The following RALYL variants were observed in gnomAD, a reference collection of about 807,000 sequenced individuals.
The protein encoded by RALYL is RNA-binding Raly-like protein.
In RALYL, 29 loss-of-function variants were observed where a neutral mutation model predicts 35.1. The ratio of observed to expected loss-of-function variants is 0.83; its 90% confidence interval spans 0.61 to 1.13. RALYL has a LOEUF of 1.13. Ranked by LOEUF, RALYL falls within the 50% of genes most tolerant of loss-of-function variation. The probability of loss-of-function intolerance (pLI) is 0.00; values close to 1 mark genes in which losing one functional copy is unlikely to be tolerated. For synonymous variants in RALYL, 120 were observed against 127.6 expected (o/e 0.94, Z 0.40); for missense variants, 359 against 360.4 (o/e 1.00, Z 0.03).
rs186443736 is a variant in RALYL at position 84,504,217 on chromosome 8, G to A, written c.-23-25082G>A. 2.1e-3 allele frequency among the ~76,000 whole-genome samples: 315 copies of A among 152,200 alleles called. 1 individual carries two copies. Among genetic ancestry groups the A allele is most frequent in the Middle Eastern group, 0.014 (4 of 294 alleles). On this transcript the variant is annotated intron_variant, in intron 1 of 8. Coordinates refer to ENST00000521268, the MANE Select transcript of RALYL (RefSeq NM_173848.7). ...GAAGGAAAAGCAAATGGATACTAAAGAGATGAGGTTAAATATGTTTAATAG... is the reference window on the plus strand; with the variant it reads ...GAAGGAAAAGCAAATGGATACTAAAAAGATGAGGTTAAATATGTTTAATAG...
At chr8:84,453,911 T>A (rs2049817513) in intron 1 of RALYL, among the ~76,000 whole-genome samples, 2 of 152,028 alleles carry the variant, frequency 1.3e-5, no homozygotes, top group African/African-American at 4.8e-5. Flanking sequence ...GTACTATTAT[T>A]TTTATTTGTT....
intron 1 of RALYL, among the ~76,000 whole-genome samples, chr8:84,263,353 G>A (rs1017899104): frequency 1.3e-5 from 2 of 152,098 alleles, no homozygotes; most frequent in Non-Finnish European, 2.9e-5. Context: ...GAGTTAATGT[G>A]TTGACTTACA....
chr8:84,369,480 A>C (rs1234567362), intron 1 of RALYL, among the ~76,000 whole-genome samples: 1 of 152,038 alleles, frequency 6.6e-6, no homozygotes, highest in African/African-American at 2.4e-5. Flanking sequence ...TCTTCAACCC[A>C]GTTAAGTTGT....
Position 84,529,530 on chromosome 8 carries a change from C to G in RALYL, c.209C>G (p.Ala70Gly). ...TACATGAGTGAGCGACATGCAAGAG[C>G]TGCAGTGGCTGGAGAAAATGCCAGA... is the stretch of plus-strand genomic sequence containing the variant. ...VQYMSERHAR[A>G]AVAGENARVI... Residue 70 changes from alanine (A) to glycine (G), a missense_variant, in exon 2 of 9, where the codon GCT (alanine) becomes GGT (glycine). By Grantham distance (60) the Ala-to-Gly change is moderately conservative. Coordinates refer to ENST00000521268, the MANE Select transcript of RALYL (RefSeq NM_173848.7). The G allele has an allele frequency of 6.2e-7, 1 of 1,611,464 alleles. No homozygotes were observed. The highest frequency in any genetic ancestry group is 1.7e-4 in the Middle Eastern group (1 of 6,048).
At chr8:84,340,801 A>G (rs2130877209) in intron 1 of RALYL, among the ~76,000 whole-genome samples, 1 of 152,184 alleles carries the variant, frequency 6.6e-6, no homozygotes, top group South Asian at 2.1e-4. Flanking sequence ...TCTCTTCTAG[A>G]CCCTGATTTC....
At chr8:84,471,284 A>G (rs1040170519) in intron 1 of RALYL, among the ~76,000 whole-genome samples, 5 of 152,118 alleles carry the variant, frequency 3.3e-5, no homozygotes, top group Non-Finnish European at 7.4e-5. Context: ...AAAAGATAGA[A>G]AACAACAACA....
chr8:84,786,398 C>T (rs571759737), intron 3 of RALYL, among the ~76,000 whole-genome samples: 8 of 152,244 alleles, frequency 5.3e-5, no homozygotes, highest in Non-Finnish European at 7.4e-5. Flanking sequence ...TTTGAGGAAT[C>T]GCCACACTGT....
At chr8:84,590,493 AG>A (rs1358806603) in intron 2 of RALYL, among the ~76,000 whole-genome samples, 1 of 152,220 alleles carries the variant, frequency 6.6e-6, no homozygotes, top group African/African-American at 2.4e-5. Flanking sequence ...ACGTAGCATA[AG>A]GAGATATAAG....
intron 4 of RALYL, among the ~76,000 whole-genome samples, chr8:84,807,086 G>A (rs1387275347): frequency 6.6e-6 from 1 of 152,090 alleles, no homozygotes; most frequent in Non-Finnish European, 1.5e-5. Context: ...GTGGTGATTG[G>A]TGAGATTTTG....
rs542433242 is a variant in RALYL, at chr8:84,344,835, T to C, written c.-24+160411T>C. ...TTGGCTTATTTCACTCAACATAATG[T>C]CTTCCAGGTTCATTCATGTTGTTGC... On this transcript the variant is annotated intron_variant, in intron 1 of 8. Coordinates refer to ENST00000521268, the MANE Select transcript of RALYL (RefSeq NM_173848.7). Among the ~76,000 whole-genome samples the C allele has an allele frequency of 3.3e-5, 5 of 152,188 alleles. No homozygotes were observed. The East Asian group carries it at 9.7e-4, about 30-fold the overall frequency.
intron 2 of RALYL, among the ~76,000 whole-genome samples, chr8:84,652,817 A>G (rs887246788): frequency 3.9e-5 from 6 of 152,052 alleles, no homozygotes; most frequent in Admixed American, 3.3e-4. Context: ...TATCCGGCTT[A>G]GCATTTGTCC....
intron 1 of RALYL, among the ~76,000 whole-genome samples, chr8:84,428,490 G>A (rs1426607018): frequency 1.3e-5 from 2 of 152,112 alleles, no homozygotes; most frequent in Admixed American, 6.5e-5. Flanking sequence ...ATGGCTCAAT[G>A]TAAAAGGCAT....
In RALYL at chr8:84,529,978, A is replaced by G. The variant is rs113252086; in HGVS notation, c.256+401A>G. On this transcript the variant is annotated intron_variant, in intron 2 of 8. Transcript: ENST00000521268. ...GCCTAATGCATTTTCCTCATTTCCT[A>G]TGTTTTGGAGGAGAAGGGGTAGAAA... 7.4e-3 allele frequency among the ~76,000 whole-genome samples: 1,119 copies of G among 152,206 alleles called. 9 individuals carry two copies. Among genetic ancestry groups the G allele is most frequent in the Middle Eastern group, 0.01 (3 of 294 alleles).
intron 2 of RALYL, among the ~76,000 whole-genome samples, chr8:84,573,008 C>A (rs1284904187): frequency 2.0e-5 from 3 of 151,238 alleles, no homozygotes; most frequent in African/African-American, 4.8e-5. Flanking sequence ...TCTTCAAATC[C>A]TTTTATTTCA....
chr8:84,894,288 C>G (rs1844369612), intron 8 of RALYL, among the ~76,000 whole-genome samples: 1 of 152,126 alleles, frequency 6.6e-6, no homozygotes, highest in African/African-American at 2.4e-5. Flanking sequence ...TGAATGAATG[C>G]TGGCTAGAGG....
chr8:84,241,455 G>A (rs932071835), intron 1 of RALYL, among the ~76,000 whole-genome samples: 1 of 152,130 alleles, frequency 6.6e-6, no homozygotes, highest in Non-Finnish European at 1.5e-5. Context: ...CTTTCCAGCT[G>A]CTGAGTGTGA....
intron 6 of RALYL, among the ~76,000 whole-genome samples, chr8:84,869,726 G>A (rs1163146303): frequency 6.6e-6 from 1 of 152,142 alleles, no homozygotes; most frequent in Non-Finnish European, 1.5e-5. Flanking sequence ...AAGAACCACG[G>A]ATCTAGACAG....
At chr8:84,490,767 G>C (rs1385744880) in intron 1 of RALYL, among the ~76,000 whole-genome samples, 1 of 151,326 alleles carries the variant, frequency 6.6e-6, no homozygotes, top group Non-Finnish European at 1.5e-5. Context: ...GAATCAGAGA[G>C]GGACAATTTT....
At chr8:84,502,611 A>G (rs2056799074) in intron 1 of RALYL, among the ~76,000 whole-genome samples, 1 of 152,102 alleles carries the variant, frequency 6.6e-6, no homozygotes, top group Non-Finnish European at 1.5e-5. Flanking sequence ...AAAATATGAC[A>G]AGAGTTAATT....
Sources: allele counts gnomAD v4.1 joint callset (sites outside exome capture counted in the v4.1 genomes callset), GRCh38; gene constraint gnomAD v4.1.1; transcripts MANE v1.5; gene names NCBI Gene and HGNC (gene_info 2026-07-23, HGNC 2026-07-21).